Variants in SGPP2 observed in about 807,000 individuals in gnomAD.
SGPP2 encodes the protein sphingosine 1-phosphate phosphohydrolase 2.
SGPP2 carries 30 observed loss-of-function variants against 33.9 expected under a neutral mutation model. The ratio of observed to expected loss-of-function variants is 0.89; its 90% CI spans 0.66 to 1.20. SGPP2 has a LOEUF of 1.20. Ranked by LOEUF, SGPP2 falls within the 50% of genes most tolerant of loss-of-function variation. SGPP2 has a pLI of 0.00. For missense variants in SGPP2, 458 were observed against 532.1 expected (o/e 0.86, Z 1.37); for synonymous variants, 233 against 225.0 (o/e 1.04, Z -0.32).
intron 1 of SGPP2, among the ~76,000 whole-genome samples, chr2:222,438,854 A>G (rs1697283727): frequency 6.6e-6 from 1 of 152,188 alleles, no homozygotes; most frequent in Non-Finnish European, 1.5e-5. Flanking sequence ...CTATTTTTCT[A>G]AGTAGATGCA....
At chr2:222,551,269 G>C (rs535056073) in intron 4 of SGPP2, among the ~76,000 whole-genome samples, 72 of 152,096 alleles carry the variant, frequency 4.7e-4, no homozygotes, top group African/African-American at 1.4e-3. Flanking sequence ...TGTCCTTGCT[G>C]TCCTGTAGAA....
At chr2:222,487,223 G>T (rs1201690536) in intron 2 of SGPP2, among the ~76,000 whole-genome samples, 2 of 152,200 alleles carry the variant, frequency 1.3e-5, no homozygotes, top group African/African-American at 4.8e-5. Context: ...TATAATCCAA[G>T]TGAAAATTGC....
chr2:222,561,832 G>C lies in SGPP2; in HGVS notation c.*2934G>C, dbSNP rs1355173489. Among the ~76,000 whole-genome samples the C allele has an allele frequency of 2.4e-5, 1 of 42,142 alleles. No individual in the cohort carries two copies. The highest frequency in any genetic ancestry group is 5.2e-5 in the Non-Finnish European group (1 of 19,332). The allele number at this position is 42,142 out of a possible 152,430, so 27.6% of individuals were successfully genotyped here. ...GGTGAGAATCAGACAAAAATTCATC[G>C]GGGTGAAAAAGGCATTACCTGATTC... On this transcript the variant is annotated 3_prime_UTR_variant, in exon 5 of 5. Coordinates refer to ENST00000321276, the MANE Select transcript of SGPP2 (RefSeq NM_152386.4).
intron 1 of SGPP2, among the ~76,000 whole-genome samples, chr2:222,459,981 T>G (rs1375228385): frequency 1.3e-5 from 2 of 152,190 alleles, no homozygotes; most frequent in African/African-American, 4.8e-5. Flanking sequence ...TCCCACACTT[T>G]AATATTTTTG....
chr2:222,522,073 T>G (rs1429668014), intron 3 of SGPP2, 127 bp downstream of exon 3: 1 of 804,264 alleles, frequency 1.2e-6, no homozygotes, highest in Non-Finnish European at 1.8e-6. Flanking sequence ...TAAGAGAAAC[T>G]GAAACCTATT....
At chr2:222,519,948 C>T (rs556840857) in intron 2 of SGPP2, among the ~76,000 whole-genome samples, 2 of 152,260 alleles carry the variant, frequency 1.3e-5, no homozygotes, top group East Asian at 1.9e-4. Flanking sequence ...CATGTCTTTG[C>T]TATTGTGAAT....
rs1697637784 is a variant in SGPP2 at position 222,460,172 on chromosome 2, C to T, written c.220-14396C>T. ...TCCACAGAAGAAGGACTCACTTTCTCTGGGTTTTATCACGTTGTTTTTGTT... is the reference window on the plus strand; with the variant it reads ...TCCACAGAAGAAGGACTCACTTTCTTTGGGTTTTATCACGTTGTTTTTGTT... On this transcript the variant is annotated intron_variant, in intron 1 of 4. Transcript: ENST00000321276. The surrounding 1 kb of genome is among the most constrained non-coding windows in gnomAD (Gnocchi z 4.3). Among the ~76,000 whole-genome samples, 1 of 152,228 alleles carries T rather than the reference C, an allele frequency of 6.6e-6. No individual in the cohort carries two copies. Among genetic ancestry groups the T allele is most frequent in the African/African-American group, 2.4e-5 (1 of 41,448 alleles).
intron 2 of SGPP2, among the ~76,000 whole-genome samples, chr2:222,506,772 A>G (rs1698452235): frequency 6.6e-6 from 1 of 152,210 alleles, no homozygotes; most frequent in African/African-American, 2.4e-5. Context: ...AAACATAACT[A>G]ACGATCAGAT....
intron 1 of SGPP2, among the ~76,000 whole-genome samples, chr2:222,458,556 A>G (rs1028455076): frequency 1.2e-4 from 19 of 152,248 alleles, no homozygotes; most frequent in Admixed American, 5.9e-4. Context: ...ATCTGGCTCT[A>G]CAGGTGGTCT....
rs191391827 is a variant in SGPP2 at position 222,474,222 on chromosome 2, T to A, written c.220-346T>A. ...GAAATCTTTGAGGGAAGCATTACTC[T>A]GCCTATTGCAGAGACCCATATAATG... On this transcript the variant is annotated intron_variant, in intron 1 of 4. Coordinates refer to ENST00000321276, the MANE Select transcript of SGPP2 (RefSeq NM_152386.4). Among the ~76,000 whole-genome samples, 29 of 152,384 alleles carry A rather than the reference T, an allele frequency of 1.9e-4. No individual in the cohort carries two copies. The East Asian group carries it at 4.4e-3, about 23-fold the overall frequency.
At chr2:222,485,356 G>A (rs73991414) in intron 2 of SGPP2, among the ~76,000 whole-genome samples, 3,757 of 152,174 alleles carry the variant, frequency 0.025, 171 homozygotes, top group African/African-American at 0.085. Context: ...GTACTGGTGC[G>A]TCCCCTTCCC....
rs1359159076 is a variant in SGPP2 at position 222,561,208 on chromosome 2, ACTG to A, written c.*2313_*2315del. Among the ~76,000 whole-genome samples the A allele has an allele frequency of 1.3e-5, 2 of 151,988 alleles. No homozygotes were observed. The highest frequency in any genetic ancestry group is 2.4e-5 in the African/African-American group (1 of 41,362). ...AAAGATCAAGATGACCTGCCGTTTG[ACTG>A]CTTTTACATCAAACTCTGCCCAGTA... On this transcript the variant is annotated 3_prime_UTR_variant, in exon 5 of 5. Coordinates refer to ENST00000321276, the MANE Select transcript of SGPP2 (RefSeq NM_152386.4).
rs575157637 is a variant in SGPP2, at chr2:222,476,444, T to G, written c.378+1718T>G. Among the ~76,000 whole-genome samples, 11 of 152,252 alleles carry G rather than the reference T, an allele frequency of 7.2e-5. No individual in the cohort carries two copies. Among genetic ancestry groups the G allele is most frequent in the African/African-American group, 2.6e-4 (11 of 41,526 alleles). On this transcript the variant is annotated intron_variant, in intron 2 of 4. Transcript: ENST00000321276. The surrounding 1 kb of genome is among the most constrained non-coding windows in gnomAD (Gnocchi z 4.3). ...AATAGCCCTCTTTTGAAATCTAGCT[T>G]CTGTCTAAAAGTATAATCTGAGAGT...
intron 1 of SGPP2, among the ~76,000 whole-genome samples, chr2:222,430,514 T>A (rs1185369918): frequency 2.0e-5 from 3 of 152,200 alleles, no homozygotes; most frequent in East Asian, 3.8e-4. Flanking sequence ...AGACAGGGTC[T>A]CACTATGTTG....
intron 2 of SGPP2, 60 bp from the exon 3 acceptor site, chr2:222,521,707 T>C (rs1200200346): frequency 1.3e-6 from 2 of 1,540,302 alleles, no homozygotes; most frequent in Non-Finnish European, 1.7e-6. Context: ...TCCATGACAT[T>C]TGGAAATGCA....
At chr2:222,482,248 G>A (rs1167771051) in intron 2 of SGPP2, among the ~76,000 whole-genome samples, 1 of 152,202 alleles carries the variant, frequency 6.6e-6, no homozygotes, top group African/African-American at 2.4e-5. Flanking sequence ...GCTGTAAAGT[G>A]ATGGAAAATC....
intron 4 of SGPP2, among the ~76,000 whole-genome samples, chr2:222,541,356 G>C (rs1013447301): frequency 6.6e-6 from 1 of 152,146 alleles, no homozygotes; most frequent in African/African-American, 2.4e-5. Flanking sequence ...AAGACATGCT[G>C]TTTTATGCTT....
intron 2 of SGPP2, among the ~76,000 whole-genome samples, chr2:222,517,018 A>G (rs1226571081): frequency 6.6e-6 from 1 of 152,016 alleles, no homozygotes; most frequent in African/African-American, 2.4e-5. Flanking sequence ...AGTGGTCCTA[A>G]CCTCCTAGGA....
At chr2:222,459,615 G>A (rs748838804) in intron 1 of SGPP2, among the ~76,000 whole-genome samples, 47 of 152,070 alleles carry the variant, frequency 3.1e-4, no homozygotes, top group Non-Finnish European at 1.3e-4. Context: ...GTGTGTGTGC[G>A]TGCATGGGTG....
Sources: gnomAD v4.1 joint callset for allele counts (sites outside exome capture counted in the v4.1 genomes callset) on GRCh38, gnomAD v4.1.1 for gene constraint, Gnocchi (gnomAD v3.1) non-coding constraint, MANE v1.5 for transcripts, NCBI Gene and HGNC (gene_info 2026-07-23, HGNC 2026-07-21) for gene names.